Variants in DLG2 observed in about 807,000 individuals in gnomAD.
The protein encoded by DLG2 is disks large homolog 2.
Under a neutral mutation model 132.5 loss-of-function variants are expected in DLG2, and 45 were observed. That is an observed-to-expected ratio of 0.34 (90% CI 0.27 to 0.44). The LOEUF (loss-of-function observed/expected upper bound fraction) is 0.44, where lower values mean the gene tolerates loss of function less well. Ranked by LOEUF, DLG2 falls within the 20% of genes least tolerant of loss-of-function variation. The pLI, the probability that DLG2 is intolerant of heterozygous loss-of-function variation, is 1.00. For synonymous variants in DLG2, 424 were observed against 419.6 expected, an observed-to-expected ratio of 1.01 and a Z score of -0.13; for missense variants, 1,045 against 1,196.9, an observed-to-expected ratio of 0.87 and a Z score of 1.87.
intron 8 of DLG2, among the ~76,000 whole-genome samples, chr11:84,243,184 C>G (rs2097258300): frequency 6.6e-6 from 1 of 152,132 alleles, no homozygotes; most frequent in Non-Finnish European, 1.5e-5. Flanking sequence ...AATTCCATAT[C>G]TGCATTGTTT....
intron 27 of DLG2, 67 bp downstream of exon 27, chr11:83,461,935 C>A: frequency 9.3e-7 from 1 of 1,079,298 alleles, no homozygotes; most frequent in Non-Finnish European, 1.4e-6. Flanking sequence ...GGCCCAGAAC[C>A]CTCTCTGTGC....
intron 7 of DLG2, among the ~76,000 whole-genome samples, chr11:84,356,423 A>G (rs546604335): frequency 2.8e-4 from 43 of 152,212 alleles, no homozygotes; most frequent in African/African-American, 9.1e-4. Context: ...TCCCAAGCTA[A>G]GAGGCAGCAA....
chr11:83,472,833 C>A (rs904680456), intron 22 of DLG2, 56 bp from the exon 23 acceptor site: 2 of 1,441,328 alleles, frequency 1.4e-6, no homozygotes, highest in South Asian at 1.2e-5. Context: ...ATTACAGAGA[C>A]AAGCCCTGCT....
intron 15 of DLG2, among the ~76,000 whole-genome samples, chr11:83,920,946 G>C (rs1236587608): frequency 1.3e-5 from 2 of 151,838 alleles, no homozygotes. Flanking sequence ...TGTTTAATGG[G>C]GTGTACTTTT....
At chr11:85,039,117 T>G (rs1242099430) in intron 6 of DLG2, among the ~76,000 whole-genome samples, 1 of 151,966 alleles carries the variant, frequency 6.6e-6, no homozygotes, top group Non-Finnish European at 1.5e-5. Flanking sequence ...AGTCAGACAT[T>G]GTTTATCCTA....
intron 3 of DLG2, among the ~76,000 whole-genome samples, chr11:85,375,693 G>C (rs2085349235): frequency 1.3e-5 from 2 of 152,134 alleles, no homozygotes; most frequent in South Asian, 4.1e-4. Flanking sequence ...AAAAGTCACT[G>C]ATCTAATTGT....
chr11:85,527,034 G>C (rs904571607), intron 3 of DLG2, among the ~76,000 whole-genome samples: 4 of 152,056 alleles, frequency 2.6e-5, no homozygotes, highest in African/African-American at 9.7e-5. Context: ...AACTGACATG[G>C]TCAAACCAAC....
intron 16 of DLG2, among the ~76,000 whole-genome samples, chr11:83,846,940 C>CAAAAA (rs1565319397): frequency 1.4e-4 from 8 of 58,126 alleles, no homozygotes; most frequent in South Asian, 9.0e-4. Flanking sequence ...ATCTCCCAAG[C>CAAAAA]CAAAAAAAAA....
chr11:84,290,336 T>G (rs972309209), intron 7 of DLG2, among the ~76,000 whole-genome samples: 1 of 152,118 alleles, frequency 6.6e-6, no homozygotes, highest in Non-Finnish European at 1.5e-5. Flanking sequence ...CATGCTATAA[T>G]GAAAACAAGT....
At chr11:85,048,779 T>C (rs1421678730) in intron 6 of DLG2, among the ~76,000 whole-genome samples, 1 of 152,016 alleles carries the variant, frequency 6.6e-6, no homozygotes, top group Admixed American at 6.6e-5. Flanking sequence ...AAAGCAGATT[T>C]TTATGGGAGA....
chr11:83,457,541 G>C lies in DLG2; in HGVS notation c.*2277C>G, dbSNP rs2089206558. 6.6e-6 allele frequency: 1 copy of C among 152,588 alleles called. No homozygotes were observed. The highest frequency in any genetic ancestry group is 2.4e-5 in the African/African-American group (1 of 41,428). The allele number at this position is 152,588 out of a possible 1,614,324, so 9.5% of individuals were successfully genotyped here. A position where few individuals can be genotyped will look rare whatever the true frequency, so the allele number is the denominator to read the frequency against. On this transcript the variant is annotated 3_prime_UTR_variant, in exon 28 of 28. Coordinates refer to ENST00000376104, the MANE Select transcript of DLG2 (RefSeq NM_001142699.3). ...AAACCAAGGGTTGGTGGTTCAATTTGATTGTACTTAGCCACAGCAACACTA... is the reference window on the plus strand; with the variant it reads ...AAACCAAGGGTTGGTGGTTCAATTTCATTGTACTTAGCCACAGCAACACTA...
intron 9 of DLG2, among the ~76,000 whole-genome samples, chr11:84,149,108 T>C (rs1053925012): frequency 6.6e-6 from 1 of 152,224 alleles, no homozygotes; most frequent in African/African-American, 2.4e-5. Flanking sequence ...TCCTTGTAGA[T>C]TCTGAATATT....
At chr11:83,664,982 T>A (rs1362352285) in intron 18 of DLG2, among the ~76,000 whole-genome samples, 1 of 152,252 alleles carries the variant, frequency 6.6e-6, no homozygotes, top group African/African-American at 2.4e-5. Flanking sequence ...TTTCTCAGTA[T>A]CTAGCAGAGT....
intron 25 of DLG2, among the ~76,000 whole-genome samples, chr11:83,467,705 G>A (rs1328781555): frequency 6.0e-5 from 9 of 148,822 alleles, no homozygotes; most frequent in South Asian, 2.1e-4. Flanking sequence ...AGCTGAGACC[G>A]TGCCATGGCA....
intron 11 of DLG2, among the ~76,000 whole-genome samples, chr11:84,046,237 T>C (rs2154113966): frequency 6.6e-6 from 1 of 151,712 alleles, no homozygotes; most frequent in Non-Finnish European, 1.5e-5. Context: ...TTGTTAAATA[T>C]TAGTTTGGTG....
intron 7 of DLG2, among the ~76,000 whole-genome samples, chr11:84,291,344 G>A (rs1385412217): frequency 6.6e-6 from 1 of 152,086 alleles, no homozygotes; most frequent in Non-Finnish European, 1.5e-5. Flanking sequence ...GACTAAATGG[G>A]CAATGCGCAA....
At chr11:83,798,730 C>T (rs6592142) in intron 17 of DLG2, among the ~76,000 whole-genome samples, 72,622 of 151,980 alleles carry the variant, frequency 0.48, 17,697 homozygotes, top group Middle Eastern at 0.61. Flanking sequence ...TCCAAACTAT[C>T]TCTACTTTAT....
chr11:84,013,753 G>A (rs2095018572), intron 11 of DLG2, among the ~76,000 whole-genome samples: 1 of 150,988 alleles, frequency 6.6e-6, no homozygotes, highest in Admixed American at 6.6e-5. Flanking sequence ...TGTAATTCCA[G>A]CTACTTGGGA....
At chr11:84,264,841 T>A (rs889994832) in intron 7 of DLG2, among the ~76,000 whole-genome samples, 5 of 152,204 alleles carry the variant, frequency 3.3e-5, no homozygotes, top group African/African-American at 1.2e-4. Flanking sequence ...ATGAGCATCT[T>A]CTAGTCCTGC....
Sources: allele counts gnomAD v4.1 joint callset (sites outside exome capture counted in the v4.1 genomes callset), GRCh38; gene constraint gnomAD v4.1.1; transcripts MANE v1.5; gene names NCBI Gene and HGNC (gene_info 2026-07-23, HGNC 2026-07-21).